The following EXOC3L2 variants were observed in gnomAD, a reference collection of about 807,000 sequenced individuals.
EXOC3L2 encodes exocyst complex component 3 like 2.
Under a neutral mutation model 44.4 loss-of-function variants are expected in EXOC3L2, and 17 were observed. The observed-to-expected ratio is 0.38, with a 90% CI of 0.26 to 0.57. The LOEUF (loss-of-function observed/expected upper bound fraction) is 0.57, where lower values mean the gene tolerates loss of function less well. Among genes scored for constraint, EXOC3L2 ranks in the 20% least tolerant of loss-of-function variants. The pLI, the probability that EXOC3L2 is intolerant of heterozygous loss-of-function variation, is 0.65. For missense variants in EXOC3L2, 541 were observed against 588.4 expected (o/e 0.92, Z 0.83); for synonymous variants, 256 against 253.7 (o/e 1.01, Z -0.09).
intron 1 of EXOC3L2, among the ~76,000 whole-genome samples, chr19:45,240,784 A>G (rs1349672356): frequency 6.6e-6 from 1 of 152,062 alleles, no homozygotes; most frequent in Non-Finnish European, 1.5e-5. Context: ...TGCACCTGTA[A>G]TCCCAGCTAC....
rs1970101255 is a variant in EXOC3L2 at position 45,238,323 on chromosome 19, A to G, written c.523+200T>C. 6.6e-6 allele frequency among the ~76,000 whole-genome samples: 1 copy of G among 152,076 alleles called. No individual in the cohort carries two copies. Among genetic ancestry groups the G allele is most frequent in the Non-Finnish European group, 1.5e-5 (1 of 68,012 alleles). On this transcript the variant is annotated intron_variant, in intron 2 of 11. Transcript: ENST00000413988. This position sits in a 1 kb window ranked among gnomAD's most constrained non-coding sequence, Gnocchi z 5.5. ...CAGGTGGCACTGAAGAGAAAGGTTG[A>G]CGACAGGGATTAGGACTGCAGTGGT...
At position 45,234,657 on chromosome 19, in the gene EXOC3L2, G is replaced by A; in HGVS notation, c.693C>T (p.Tyr231=). 2.7e-6 allele frequency: 1 copy of A among 369,554 alleles called. No homozygotes were observed. The highest frequency in any genetic ancestry group is 4.6e-5 in the Admixed American group (1 of 21,634). 22.9% of individuals were successfully genotyped at this position (369,554 alleles called of 1,614,324 possible). ...CCCACAGCTCGCGCTGCAGGGCCTCGTACAGCAGCGCCACGTCCCGCGCCC... is the reference window on the plus strand; with the variant it reads ...CCCACAGCTCGCGCTGCAGGGCCTCATACAGCAGCGCCACGTCCCGCGCCC... ...GRRARDVALL[Y]EALQRELWAL... Residue 231 remains tyrosine (Y), a synonymous_variant, in exon 3 of 12, where the codon TAC becomes TAT. Coordinates refer to ENST00000413988, the MANE Select transcript of EXOC3L2 (RefSeq NM_001382422.1). The surrounding 1 kb of genome is among the most constrained non-coding windows in gnomAD (Gnocchi z 5.0).
chr19:45,239,143 T>G, intron 1 of EXOC3L2, 82 bp from the exon 2 acceptor site: 1 of 396,394 alleles, frequency 2.5e-6, no homozygotes, highest in East Asian at 3.6e-5. Context: ...CCGAGCACTT[T>G]GGGGTGAGCG....
chr19:45,212,891 T>A lies in EXOC3L2; in HGVS notation c.*178A>T. ...TTGGGATTACAGGCATGAGCCACCG[T>A]GCCTGGCGTTTGTTTCCCTTCTGTA... On this transcript the variant is annotated 3_prime_UTR_variant, in exon 12 of 12. Transcript: ENST00000413988. The A allele has an allele frequency of 1.6e-6, 1 of 644,024 alleles. No individual in the cohort carries two copies. Among genetic ancestry groups the A allele is most frequent in the East Asian group, 3.4e-5 (1 of 29,368 alleles). The allele number at this position is 644,024 out of a possible 1,614,324, so 39.9% of individuals were successfully genotyped here.
chr19:45,213,413 C>G (rs1969800394), intron 11 of EXOC3L2, 56 bp from the exon 12 acceptor site: 5 of 1,594,336 alleles, frequency 3.1e-6, no homozygotes. Context: ...GACACACACC[C>G]AACCCAGCCG....
intron 11 of EXOC3L2, among the ~76,000 whole-genome samples, chr19:45,213,951 T>C: frequency 6.6e-6 from 1 of 151,440 alleles, no homozygotes; most frequent in African/African-American, 2.4e-5. Context: ...GAGACTCCAT[T>C]TCAAAAGTAA....
rs1969859405 is a variant in EXOC3L2, at chr19:45,218,288, C to T, written c.1751G>A (p.Trp584Ter). Residue 584 changes from tryptophan to a stop codon, truncating the protein, a stop_gained, in exon 9 of 12, where the codon TGG becomes TAG. Coordinates refer to ENST00000413988, the MANE Select transcript of EXOC3L2 (RefSeq NM_001382422.1). LOFTEE classifies it high-confidence loss of function. ...ATCCAGGGCCTCCGGGCTGCTCAGC[C>T]ACTTCCGGCGCATCAGCTTGTTGAA... is the stretch of plus-strand genomic sequence containing the variant. ...PHFNKLMRRK[W>*]LSSPEALDGI... 6.2e-7 allele frequency: 1 copy of T among 1,608,622 alleles called. No individual in the cohort carries two copies. The highest frequency in any genetic ancestry group is 1.7e-5 in the Admixed American group (1 of 59,774).
chr19:45,229,878 CTATAA>C (rs201034192), intron 4 of EXOC3L2, among the ~76,000 whole-genome samples: 12,192 of 128,472 alleles, frequency 0.095, 622 homozygotes, highest in African/African-American at 0.22. Flanking sequence ...ATAAATAAAG[CTATAA>C]TATAATATAT....
At chr19:45,233,560 G>A (rs550460067) in intron 3 of EXOC3L2, among the ~76,000 whole-genome samples, 1 of 152,262 alleles carries the variant, frequency 6.6e-6, no homozygotes, top group African/African-American at 2.4e-5. Context: ...TAGCGTAAGT[G>A]TCATGAAGCC....
At chr19:45,226,106 C>T (rs936280173) in intron 7 of EXOC3L2, among the ~76,000 whole-genome samples, 2 of 152,096 alleles carry the variant, frequency 1.3e-5, no homozygotes, top group African/African-American at 2.4e-5. Flanking sequence ...AACTGGCCCT[C>T]GATAGATGGA....
chr19:45,222,261 A>G (rs1361866756), intron 8 of EXOC3L2, among the ~76,000 whole-genome samples: 1 of 145,828 alleles, frequency 6.9e-6, no homozygotes, highest in Non-Finnish European at 1.5e-5. Flanking sequence ...GTACAGTGGC[A>G]TGATCTCATT....
At chr19:45,230,436 T>G (rs546794785) in intron 4 of EXOC3L2, among the ~76,000 whole-genome samples, 2 of 152,216 alleles carry the variant, frequency 1.3e-5, no homozygotes, top group South Asian at 4.1e-4. Flanking sequence ...GCCAGGATGG[T>G]CTCAATCTCC....
In EXOC3L2 at chr19:45,239,885, G is replaced by A. The variant is rs953232326; in HGVS notation, c.-16-824C>T. ...GAGAAACAGGCTGAGAGGGGGGAAG[G>A]CTCCCTCCCAAGATGACACAGTCAG... On this transcript the variant is annotated intron_variant, in intron 1 of 11. Transcript: ENST00000413988. 3.3e-5 allele frequency among the ~76,000 whole-genome samples: 5 copies of A among 151,822 alleles called. No homozygotes were observed. The South Asian group carries it at 1.0e-3, about 32-fold the overall frequency.
intron 4 of EXOC3L2, among the ~76,000 whole-genome samples, chr19:45,229,352 T>C (rs1599765542): frequency 7.3e-6 from 1 of 137,602 alleles, no homozygotes. Context: ...AAATATATGT[T>C]ATATATGTAA....
At chr19:45,213,459 T>C (rs1033459445) in intron 11 of EXOC3L2, 102 bp from the exon 12 acceptor site, 3 of 1,454,452 alleles carry the variant, frequency 2.1e-6, no homozygotes, top group African/African-American at 2.9e-5. Context: ...ATCCCAGAAA[T>C]TGCCTGAGTT....
intron 1 of EXOC3L2, among the ~76,000 whole-genome samples, chr19:45,239,384 A>C (rs938848613): frequency 2.7e-5 from 4 of 149,300 alleles, no homozygotes; most frequent in African/African-American, 7.4e-5. Flanking sequence ...CGCCCGGCTA[A>C]CTTTTGTATT....
At chr19:45,229,269 A>G in intron 4 of EXOC3L2, among the ~76,000 whole-genome samples, 1 of 122,210 alleles carries the variant, frequency 8.2e-6, no homozygotes, top group East Asian at 2.4e-4. Flanking sequence ...TATGTATTAA[A>G]TATATACATA....
rs576397864 is a variant in EXOC3L2, at chr19:45,238,915, C to T, written c.131G>A (p.Gly44Glu). ...GLEEEEAGEL[G>E]SLPNGTSCRR... is the part of the protein sequence containing the mutation. ...ACAAGATGTTCCATTGGGGAGGGAC[C>T]CCAGCTCCCCGGCCTCTTCTTCCTC... Residue 44 changes from glycine (G) to glutamate (E), a missense_variant, in exon 2 of 12, where the codon GGG (glycine) becomes GAG (glutamate). Physicochemically the swap from Gly to Glu is moderately conservative, Grantham distance 98 (BLOSUM62 -2). Transcript: ENST00000413988. The surrounding 1 kb of genome is among the most constrained non-coding windows in gnomAD (Gnocchi z 5.5). 2.0e-4 allele frequency: 78 copies of T among 399,230 alleles called. No homozygotes were observed. The highest frequency in any genetic ancestry group is 1.5e-3 in the African/African-American group (75 of 48,748). 24.7% of individuals were successfully genotyped at this position (399,230 alleles called of 1,614,324 possible). A position where few individuals can be genotyped will look rare whatever the true frequency, so the allele number is the denominator to read the frequency against.
intron 8 of EXOC3L2, among the ~76,000 whole-genome samples, chr19:45,218,547 G>T (rs926619880): frequency 2.0e-5 from 3 of 152,080 alleles, no homozygotes; most frequent in African/African-American, 7.2e-5. Context: ...GCTGGGACTC[G>T]GGAACCCAGG....
Sources: allele counts gnomAD v4.1 joint callset (sites outside exome capture counted in the v4.1 genomes callset), GRCh38; gene constraint gnomAD v4.1.1; non-coding constraint Gnocchi (gnomAD v3.1); transcripts MANE v1.5; gene names NCBI Gene and HGNC (gene_info 2026-07-23, HGNC 2026-07-21).